KIF20B: variants seen among roughly 807,000 people sequenced by gnomAD.
KIF20B encodes kinesin family member 20B, also known as kinesin-like protein KIF20B.
Under a neutral mutation model 232.5 loss-of-function variants are expected in KIF20B, and 188 were observed. The ratio of observed to expected loss-of-function variants is 0.81; its 90% CI spans 0.72 to 0.91. The LOEUF is 0.91. KIF20B is among the 40% of genes least tolerant of loss of function. The probability of loss-of-function intolerance (pLI) is 0.00; values close to 1 mark genes in which losing one functional copy is unlikely to be tolerated. For missense variants in KIF20B, 2,154 were observed against 2,055.9 expected, an observed-to-expected ratio of 1.05 and a Z score of -0.92; for synonymous variants, 712 against 683.0, an observed-to-expected ratio of 1.04 and a Z score of -0.66.
chr10:89,740,932 T>C (rs571354437), intron 21 of KIF20B, among the ~76,000 whole-genome samples: 1 of 152,344 alleles, frequency 6.6e-6, no homozygotes, highest in Non-Finnish European at 1.5e-5. Context: ...CAGTGATTGG[T>C]TTTGTGGAAG....
At chr10:89,710,739 C>A (rs1423408509) in intron 5 of KIF20B, among the ~76,000 whole-genome samples, 1 of 152,160 alleles carries the variant, frequency 6.6e-6, no homozygotes, top group African/African-American at 2.4e-5. Context: ...GTTGCATTAT[C>A]TGAATGTAAA....
intron 2 of KIF20B, among the ~76,000 whole-genome samples, chr10:89,707,714 A>G (rs1842754003): frequency 6.6e-6 from 1 of 151,448 alleles, no homozygotes; most frequent in African/African-American, 2.4e-5. Flanking sequence ...GAAGTGGGGA[A>G]GCAGAAATCC....
intron 2 of KIF20B, among the ~76,000 whole-genome samples, chr10:89,707,409 G>A (rs1170297590): frequency 6.6e-6 from 1 of 151,902 alleles, no homozygotes; most frequent in Non-Finnish European, 1.5e-5. Context: ...GTTGGATTTT[G>A]TATGCGTATG....
chr10:89,728,341 C>T (rs1482400102), intron 17 of KIF20B, among the ~76,000 whole-genome samples: 1 of 151,986 alleles, frequency 6.6e-6, no homozygotes, highest in East Asian at 1.9e-4. Flanking sequence ...AAATTTAAAA[C>T]AAAACCAAAC....
chr10:89,719,688 T>C lies in KIF20B; in HGVS notation c.1704T>C (p.Ile568=). The C allele has an allele frequency of 1.2e-6, 2 of 1,605,456 alleles. No homozygotes were observed. Among genetic ancestry groups the C allele is most frequent in the Non-Finnish European group, 1.7e-6 (2 of 1,176,798 alleles). Residue 568 remains isoleucine, a synonymous_variant, in exon 13 of 33, where the codon ATT becomes ATC. Transcript: ENST00000371728. The part of the protein sequence containing the change: ...DKTLEENKAF[I]SHEEKRKLLD... ...CATTAGAGGAAAATAAGGCTTTCATTAGCCACGAGGAGAAAAGAGTATGTA... is the reference window on the plus strand; with the variant it reads ...CATTAGAGGAAAATAAGGCTTTCATCAGCCACGAGGAGAAAAGAGTATGTA...
intron 1 of KIF20B, among the ~76,000 whole-genome samples, chr10:89,704,048 GC>G (rs1842671756): frequency 6.6e-6 from 1 of 152,132 alleles, no homozygotes; most frequent in Non-Finnish European, 1.5e-5. Flanking sequence ...ACTGCGCCCG[GC>G]CGTAGGCTTT....
At chr10:89,731,702 G>A (rs910433152) in intron 18 of KIF20B, among the ~76,000 whole-genome samples, 8 of 152,128 alleles carry the variant, frequency 5.3e-5, no homozygotes, top group African/African-American at 1.9e-4. Context: ...TAGGTACCAA[G>A]GATCGGGGAA....
intron 11 of KIF20B, 53 bp downstream of exon 11, chr10:89,717,775 T>G (rs1244147517): frequency 2.3e-6 from 3 of 1,322,776 alleles, no homozygotes; most frequent in African/African-American, 1.5e-5. Context: ...ATATTTAAAC[T>G]TTCAACTTTT....
chr10:89,710,179 A>C (rs973615094), intron 5 of KIF20B, 114 bp downstream of exon 5: 8 of 852,328 alleles, frequency 9.4e-6, no homozygotes, highest in Non-Finnish European at 1.4e-5. Flanking sequence ...CGTTTGCTCT[A>C]TTTTTAATAG....
At chr10:89,755,399 C>A (rs1842098834) in intron 26 of KIF20B, among the ~76,000 whole-genome samples, 1 of 146,024 alleles carries the variant, frequency 6.8e-6, no homozygotes. Flanking sequence ...TCCTTGCTCC[C>A]TCCCTCCCTC....
At chr10:89,732,179 T>A (rs1156779685) in intron 18 of KIF20B, among the ~76,000 whole-genome samples, 1 of 151,504 alleles carries the variant, frequency 6.6e-6, no homozygotes, top group African/African-American at 2.4e-5. Flanking sequence ...CAGGCTGAAG[T>A]GCAGTGATGT....
At position 89,758,887 on chromosome 10, in the gene KIF20B, GT is replaced by G; in HGVS notation, c.4680+6del. The G allele has an allele frequency of 6.7e-7, 1 of 1,488,720 alleles. No individual in the cohort carries two copies. The highest frequency in any genetic ancestry group is 9.0e-7 in the Non-Finnish European group (1 of 1,113,196). 92.2% of individuals were successfully genotyped at this position (1,488,720 alleles called of 1,614,324 possible). A position where few individuals can be genotyped will look rare whatever the true frequency, so the allele number is the denominator to read the frequency against. On this transcript the variant is annotated splice_donor_region_variant and intron_variant, in intron 27 of 32. Transcript: ENST00000371728. ...ATATCAGAGACTTCTAAAATAGTCA[GT>G]AGTCTTTTTTGCTATGCCTTTTTAA...
At chr10:89,726,253 C>T in intron 15 of KIF20B, 40 bp from the exon 16 acceptor site, 2 of 1,516,782 alleles carry the variant, frequency 1.3e-6, no homozygotes, top group African/African-American at 1.4e-5. Context: ...AGGGTGAACC[C>T]TACTGTTAAT....
intron 7 of KIF20B, 132 bp from the exon 8 acceptor site, chr10:89,714,823 G>C: frequency 1.6e-6 from 1 of 612,808 alleles, no homozygotes; most frequent in Non-Finnish European, 2.8e-6. Context: ...GTTCCAAAAA[G>C]TTTTTAACAT....
intron 28 of KIF20B, 144 bp from the exon 29 acceptor site, chr10:89,762,494 A>G (rs554400543): frequency 3.0e-4 from 188 of 617,764 alleles, no homozygotes; most frequent in Non-Finnish European, 4.3e-4. Flanking sequence ...TGATTGCTCA[A>G]TCTTTCTGTT....
intron 32 of KIF20B, 115 bp downstream of exon 32, chr10:89,772,946 A>G (rs1842495454): frequency 3.6e-6 from 3 of 822,670 alleles, no homozygotes; most frequent in Non-Finnish European, 5.5e-6. Context: ...TATAAAGGTC[A>G]TGCTTTTAGT....
At chr10:89,732,464 A>C (rs1027583553) in intron 18 of KIF20B, among the ~76,000 whole-genome samples, 2 of 150,344 alleles carry the variant, frequency 1.3e-5, no homozygotes, top group African/African-American at 5.0e-5. Flanking sequence ...CTTAAAAAAA[A>C]AAAAAGTCTA....
At chr10:89,745,554 A>C (rs896649515) in intron 22 of KIF20B, among the ~76,000 whole-genome samples, 46 of 151,016 alleles carry the variant, frequency 3.0e-4, no homozygotes, top group African/African-American at 1.0e-3. Context: ...TAAATAAATA[A>C]AGACATATAA....
At position 89,727,779 on chromosome 10, in the gene KIF20B, A is replaced by G. The variant is rs547399356; in HGVS notation, c.2231-77A>G. 3.3e-4 allele frequency: 411 copies of G among 1,261,694 alleles called. 2 individuals are homozygous for G. Among genetic ancestry groups the G allele is most frequent in the Middle Eastern group, 9.9e-4 (5 of 5,032 alleles). 78.2% of individuals were successfully genotyped at this position (1,261,694 alleles called of 1,614,324 possible). A position where few individuals can be genotyped will look rare whatever the true frequency, so the allele number is the denominator to read the frequency against. On this transcript the variant is annotated intron_variant, in intron 16 of 32. Coordinates refer to ENST00000371728, the MANE Select transcript of KIF20B (RefSeq NM_001284259.2). ...AACAGTAAAGTGTCACTAGAGCAGC[A>G]TATGTTTCATAGTTATTCAGTGATA...
Sources: allele counts gnomAD v4.1 joint callset (sites outside exome capture counted in the v4.1 genomes callset), GRCh38; gene constraint gnomAD v4.1.1; transcripts MANE v1.5; gene names NCBI Gene and HGNC (gene_info 2026-07-23, HGNC 2026-07-21).